Variants in NLGN1 observed in about 807,000 individuals in gnomAD.
The protein encoded by NLGN1 is neuroligin 1.
Under a neutral mutation model 65.5 loss-of-function variants are expected in NLGN1, and 12 were observed. The observed-to-expected ratio is 0.18, with a 90% CI of 0.12 to 0.30. The LOEUF (loss-of-function observed/expected upper bound fraction) is 0.30, where lower values mean the gene tolerates loss of function less well. Ranked by LOEUF, NLGN1 falls within the 10% of genes least tolerant of loss-of-function variation. NLGN1 has a pLI of 1.00. For synonymous variants in NLGN1, 350 were observed against 359.5 expected, an observed-to-expected ratio of 0.97 and a Z score of 0.30; for missense variants, 750 against 1,007.1, an observed-to-expected ratio of 0.74 and a Z score of 3.46.
At chr3:173,555,784 T>C (rs1423176084) in intron 2 of NLGN1, among the ~76,000 whole-genome samples, 1 of 152,156 alleles carries the variant, frequency 6.6e-6, no homozygotes, top group Admixed American at 6.5e-5. Context: ...TCCCAGCCCC[T>C]TGTCAAGTTT....
chr3:173,530,625 G>A (rs1044969348), intron 2 of NLGN1, among the ~76,000 whole-genome samples: 5 of 152,144 alleles, frequency 3.3e-5, no homozygotes, highest in Admixed American at 6.5e-5. Flanking sequence ...AGCTGTTGGC[G>A]TTGGTCTTCT....
rs145336038 is a variant in NLGN1 at position 173,999,718 on chromosome 3, C to T, written c.646+191886C>T. Among the ~76,000 whole-genome samples the T allele has an allele frequency of 1.3e-3, 204 of 152,188 alleles. 2 individuals are homozygous for T. The highest frequency in any genetic ancestry group is 6.8e-3 in the Middle Eastern group (2 of 294). On this transcript the variant is annotated intron_variant, in intron 4 of 6. Transcript: ENST00000457714. ...TCCTTTCTAGTTATACCACATTTTG[C>T]CCAAAGCTGGTATTACCCAGTGTGA... is the stretch of plus-strand genomic sequence containing the variant.
intron 2 of NLGN1, among the ~76,000 whole-genome samples, chr3:173,481,883 G>T (rs1727352905): frequency 6.6e-6 from 1 of 151,622 alleles, no homozygotes; most frequent in African/African-American, 2.4e-5. Flanking sequence ...TTGACACTTT[G>T]GTAAGTGACA....
At chr3:174,062,832 T>C (rs1737705428) in intron 4 of NLGN1, among the ~76,000 whole-genome samples, 1 of 152,102 alleles carries the variant, frequency 6.6e-6, no homozygotes, top group Non-Finnish European at 1.5e-5. Context: ...ACTATCATTA[T>C]TAATTTAACA....
chr3:173,534,806 T>C (rs1233586116), intron 2 of NLGN1, among the ~76,000 whole-genome samples: 1 of 152,174 alleles, frequency 6.6e-6, no homozygotes, highest in Non-Finnish European at 1.5e-5. Flanking sequence ...TTTAAATCAG[T>C]TTCCACATTT....
At chr3:173,463,471 A>G (rs1723740777) in intron 2 of NLGN1, among the ~76,000 whole-genome samples, 1 of 152,106 alleles carries the variant, frequency 6.6e-6, no homozygotes, top group Non-Finnish European at 1.5e-5. Flanking sequence ...AACCTTAACT[A>G]CAAATGTTAG....
At chr3:173,524,996 T>C (rs547415926) in intron 2 of NLGN1, among the ~76,000 whole-genome samples, 27 of 152,312 alleles carry the variant, frequency 1.8e-4, no homozygotes, top group African/African-American at 6.0e-4. Flanking sequence ...ATTTTGCTTG[T>C]CTTTTCATCA....
intron 3 of NLGN1, among the ~76,000 whole-genome samples, chr3:173,632,110 C>T (rs1366874608): frequency 6.6e-6 from 1 of 152,106 alleles, no homozygotes; most frequent in East Asian, 1.9e-4. Context: ...TTTTCAGATA[C>T]ATCTGCAGTG....
chr3:173,652,265 GT>G (rs1325734854), intron 3 of NLGN1, among the ~76,000 whole-genome samples: 2 of 152,112 alleles, frequency 1.3e-5, no homozygotes, highest in African/African-American at 2.4e-5. Context: ...GGAACTTTTA[GT>G]TTCTCTGAGT....
At chr3:174,222,437 A>G (rs933965665) in intron 4 of NLGN1, among the ~76,000 whole-genome samples, 1 of 152,166 alleles carries the variant, frequency 6.6e-6, no homozygotes, top group South Asian at 2.1e-4. Context: ...ACTAAACGTA[A>G]GTTTTCCAAA....
At chr3:173,485,877 G>C (rs185957555) in intron 2 of NLGN1, among the ~76,000 whole-genome samples, 20 of 151,596 alleles carry the variant, frequency 1.3e-4, no homozygotes, top group Non-Finnish European at 2.4e-4. Context: ...ATATTTTTCT[G>C]ACATTAATTT....
intron 3 of NLGN1, among the ~76,000 whole-genome samples, chr3:173,752,764 C>T (rs946016678): frequency 1.2e-4 from 19 of 152,160 alleles, no homozygotes; most frequent in African/African-American, 3.9e-4. Context: ...CCCAGTGATT[C>T]TGCTACTGTT....
At chr3:173,752,682 G>A (rs968464035) in intron 3 of NLGN1, among the ~76,000 whole-genome samples, 1 of 151,934 alleles carries the variant, frequency 6.6e-6, no homozygotes, top group Non-Finnish European at 1.5e-5. Flanking sequence ...ACTAAACATG[G>A]CAGGAAAACT....
intron 4 of NLGN1, among the ~76,000 whole-genome samples, chr3:173,842,910 C>T (rs1725050441): frequency 6.6e-6 from 1 of 152,182 alleles, no homozygotes; most frequent in African/African-American, 2.4e-5. Context: ...GTTCCAACCC[C>T]ACATTTCCCT....
chr3:173,538,649 C>G (rs1737866032), intron 2 of NLGN1, among the ~76,000 whole-genome samples: 1 of 152,148 alleles, frequency 6.6e-6, no homozygotes, highest in Non-Finnish European at 1.5e-5. Flanking sequence ...CATAGCTGGT[C>G]TCCGCTGCTG....
chr3:173,961,150 G>T (rs9880079), intron 4 of NLGN1, among the ~76,000 whole-genome samples: 1 of 151,632 alleles, frequency 6.6e-6, no homozygotes, highest in Non-Finnish European at 1.5e-5. Context: ...TACTTTCCTC[G>T]GAAACATGAA....
intron 4 of NLGN1, among the ~76,000 whole-genome samples, chr3:174,268,690 T>C (rs1351067950): frequency 1.3e-5 from 2 of 152,100 alleles, no homozygotes; most frequent in Non-Finnish European, 2.9e-5. Flanking sequence ...AGTTTGGAAT[T>C]TGGAAACTGC....
chr3:174,210,831 C>A (rs973328395), intron 4 of NLGN1, among the ~76,000 whole-genome samples: 2 of 152,192 alleles, frequency 1.3e-5, no homozygotes, highest in African/African-American at 2.4e-5. Context: ...ATAACACATT[C>A]TTTTTACTGT....
At chr3:174,282,880 GACAA>G (rs1248121329) in exon 7 of NLGN1, 8 of 151,678 alleles carry the variant, frequency 5.3e-5, no homozygotes, top group Admixed American at 2.6e-4. Flanking sequence ...AACTTTCTCT[GACAA>G]ACTAACTGCA....
Sources: gnomAD v4.1 joint callset for allele counts (sites outside exome capture counted in the v4.1 genomes callset) on GRCh38, gnomAD v4.1.1 for gene constraint, MANE v1.5 for transcripts, NCBI Gene and HGNC (gene_info 2026-07-23, HGNC 2026-07-21) for gene names.